The following NCAPG2 variants were observed in gnomAD, a reference collection of about 807,000 sequenced individuals.
NCAPG2 encodes condensin-2 complex subunit G2.
A neutral mutation model predicts 141.1 loss-of-function variants in NCAPG2; 53 were observed. The observed-to-expected ratio is 0.38, with a 90% CI of 0.30 to 0.47. The LOEUF (loss-of-function observed/expected upper bound fraction) is 0.47. NCAPG2 is among the 20% of genes least tolerant of loss of function. The probability of loss-of-function intolerance (pLI) is 0.99; values close to 1 mark genes in which losing one functional copy is unlikely to be tolerated. For missense variants in NCAPG2, 1,087 were observed against 1,389.0 expected (o/e 0.78, Z 3.46); for synonymous variants, 499 against 490.7 (o/e 1.02, Z -0.22).
At chr7:158,696,004 AG>A (rs1835420061) in intron 2 of NCAPG2, 1 of 152,260 alleles carries the variant, frequency 6.6e-6, no homozygotes, top group South Asian at 2.1e-4. Context: ...ATATGCCCAG[AG>A]GGAGGTATCC....
At chr7:158,638,105 C>T (rs1435239315) in intron 27 of NCAPG2, among the ~76,000 whole-genome samples, 2 of 152,160 alleles carry the variant, frequency 1.3e-5, no homozygotes, top group African/African-American at 2.4e-5. Context: ...GATCGCACCA[C>T]TGCACTACAG....
intron 2 of NCAPG2, among the ~76,000 whole-genome samples, chr7:158,701,103 G>A (rs369061806): frequency 3.3e-5 from 5 of 152,192 alleles, no homozygotes; most frequent in South Asian, 2.1e-4. Context: ...CTCTTCCCAC[G>A]TTCATGAGCT....
intron 16 of NCAPG2, among the ~76,000 whole-genome samples, chr7:158,659,432 G>C (rs909324699): frequency 6.6e-5 from 9 of 135,360 alleles, no homozygotes; most frequent in African/African-American, 2.2e-4. Context: ...ACATAGCACA[G>C]AGGAGAGGAG....
In NCAPG2 at chr7:158,656,368, T is replaced by C; in HGVS notation, c.2280A>G (p.Ala760=). The change falls in exon 19 of 28, where the codon GCA becomes GCG. Residue 760 remains alanine, a synonymous_variant. Transcript: ENST00000356309. The stretch of plus-strand genomic sequence containing the variant: ...TCAGCAGATACTCAATGTAGACCAA[T>C]GCCAATTCAGGTTTGACTGGGCGTG... ...HDTRPVKPEL[A]LVYIEYLLTH... 6.2e-7 allele frequency: 1 copy of C among 1,614,184 alleles called. No homozygotes were observed. Among genetic ancestry groups the C allele is most frequent in the Non-Finnish European group, 8.5e-7 (1 of 1,180,006 alleles).
chr7:158,637,562 C>A, intron 27 of NCAPG2, among the ~76,000 whole-genome samples: 1 of 152,302 alleles, frequency 6.6e-6, no homozygotes, highest in Admixed American at 6.5e-5. Context: ...AGAGAGTAGG[C>A]TTTCCAGCTC....
At chr7:158,687,097 AG>A (rs1389492972) in intron 7 of NCAPG2, among the ~76,000 whole-genome samples, 2 of 152,234 alleles carry the variant, frequency 1.3e-5, no homozygotes, top group Non-Finnish European at 2.9e-5. Flanking sequence ...AGCGAGGCTA[AG>A]GTTCAACTGG....
Position 158,654,621 on chromosome 7 carries a change from TG to T in NCAPG2, c.2719del (p.Gln907SerfsTer10). 1 of 1,614,106 alleles carries T rather than the reference TG, an allele frequency of 6.2e-7. No homozygotes were observed. The highest frequency in any genetic ancestry group is 2.2e-5 in the East Asian group (1 of 44,886). Reference protein sequence around the residue: ...GDHQFQMQLLQRSLGIMQTVK... With the variant: ...GDHQFQMQLLXRSLGIMQTVK... ...TGTTTGCATGATTCCAAGACTCCGC[TG>T]TAAGAGTTGCATCTGAAACTGATGG... On this transcript the variant is annotated frameshift_variant, in exon 22 of 28. Transcript: ENST00000356309. LOFTEE classifies it high-confidence loss of function.
chr7:158,662,453 G>A (rs1832588300), intron 15 of NCAPG2, 86 bp from the exon 16 acceptor site: 1 of 1,220,534 alleles, frequency 8.2e-7, no homozygotes, highest in Middle Eastern at 2.0e-4. Context: ...GAGCTCTAAA[G>A]CAAAAATGTA....
Position 158,683,334 on chromosome 7 carries a change from G to C in NCAPG2, c.890C>G (p.Pro297Arg), listed in dbSNP as rs1396826395. 30 of 1,605,858 alleles carry C rather than the reference G, an allele frequency of 1.9e-5. No homozygotes were observed. Among genetic ancestry groups the C allele is most frequent in the Non-Finnish European group, 2.5e-5 (29 of 1,176,782 alleles). ...TTTGGAATGCACTGGAGACCTCCTC[G>C]GAAGGTGTATCCCGTGGAACATGAA... ...QDFMFHGIHL[P>R]RRSPVHSKVR... The change falls in exon 9 of 28, where the codon CCG becomes CGG. Residue 297 changes from proline to arginine, a missense_variant. Coordinates refer to ENST00000356309, the MANE Select transcript of NCAPG2 (RefSeq NM_017760.7).
intron 2 of NCAPG2, among the ~76,000 whole-genome samples, chr7:158,700,101 T>C (rs987747596): frequency 2.6e-5 from 4 of 152,216 alleles, no homozygotes; most frequent in Non-Finnish European, 5.9e-5. Context: ...CCATCATTAT[T>C]ATATAAAATG....
chr7:158,672,282 GTGTGTGTGTGTATATA>G (rs1474274881), intron 12 of NCAPG2, among the ~76,000 whole-genome samples: 1 of 21,062 alleles, frequency 4.7e-5, no homozygotes, highest in African/African-American at 2.1e-4. Flanking sequence ...AAACACATGT[GTGTGTGTGTGTATATA>G]TATATATATA....
chr7:158,634,492 T>C (rs1404249022), intron 27 of NCAPG2, among the ~76,000 whole-genome samples: 4 of 152,204 alleles, frequency 2.6e-5, no homozygotes, highest in Non-Finnish European at 4.4e-5. Context: ...GTCCCAAATA[T>C]TGTCAAACTA....
intron 2 of NCAPG2, among the ~76,000 whole-genome samples, chr7:158,700,033 G>C (rs1054410254): frequency 6.6e-6 from 1 of 152,128 alleles, no homozygotes; most frequent in Non-Finnish European, 1.5e-5. Flanking sequence ...TACTTGGAAA[G>C]ATCTACCTGA....
chr7:158,655,175 T>G lies in NCAPG2; in HGVS notation c.2589A>C (p.Gln863His). 6.2e-7 allele frequency: 1 copy of G among 1,614,130 alleles called. No individual in the cohort carries two copies. The highest frequency in any genetic ancestry group is 8.5e-7 in the Non-Finnish European group (1 of 1,180,018). The change falls in exon 21 of 28, where the codon CAA becomes CAC. Residue 863 changes from glutamine (Q) to histidine (H), a missense_variant. By Grantham distance (24) the Gln-to-His change is conservative. Transcript: ENST00000356309. ...GCTTCAGGTAGTCTTCTTCTTGATC[T>G]TGAATAAAAGATAAAATTTTGCTTT... ...WLESKILSFI[Q>H]DQEEDYLKLH...
intron 27 of NCAPG2, among the ~76,000 whole-genome samples, chr7:158,635,019 A>G (rs1254188520): frequency 1.3e-5 from 2 of 152,222 alleles, no homozygotes; most frequent in African/African-American, 4.8e-5. Context: ...CGAGGACTCA[A>G]AACTTCGCCA....
In NCAPG2 at chr7:158,664,766, A is replaced by G. The variant is rs3816466; in HGVS notation, c.1480-16T>C. On this transcript the variant is annotated splice_polypyrimidine_tract_variant and intron_variant, in intron 13 of 27. Transcript: ENST00000356309. ...TTTTCCAAAACTGTGCAAAAAGCACATATGCAGAAGGAAATAATCAATTGT... is the reference window on the plus strand; with the variant it reads ...TTTTCCAAAACTGTGCAAAAAGCACGTATGCAGAAGGAAATAATCAATTGT... 463,585 of 1,601,526 alleles carry G rather than the reference A, an allele frequency of 0.29. 69,509 individuals are homozygous for G. Among genetic ancestry groups the G allele is most frequent in the Admixed American group, 0.44 (25,981 of 59,518 alleles).
intron 27 of NCAPG2, among the ~76,000 whole-genome samples, chr7:158,642,607 T>C (rs559659039): frequency 6.6e-6 from 1 of 151,880 alleles, no homozygotes; most frequent in African/African-American, 2.4e-5. Context: ...AGTTTTTTAA[T>C]GCGGAATAAA....
rs200937008 is a variant in NCAPG2 at position 158,701,937 on chromosome 7, C to A, written c.-38G>T. 6.5e-7 allele frequency: 1 copy of A among 1,530,210 alleles called. No homozygotes were observed. Among genetic ancestry groups the A allele is most frequent in the Non-Finnish European group, 8.9e-7 (1 of 1,121,818 alleles). 94.8% of individuals were successfully genotyped at this position (1,530,210 alleles called of 1,614,324 possible). The stretch of plus-strand genomic sequence containing the variant: ...TGTTCAAATGGCATTTATTTTGTAA[C>A]CCTAATGGAAAACACAATCATACTG... On this transcript the variant is annotated splice_region_variant and 5_prime_UTR_variant, in exon 2 of 28. Transcript: ENST00000356309.
intron 13 of NCAPG2, chr7:158,668,625 T>A: frequency 6.1e-6 from 1 of 162,638 alleles, no homozygotes. Context: ...TGGGTGTATC[T>A]AATTCACTAT....
Sources: allele counts gnomAD v4.1 joint callset (sites outside exome capture counted in the v4.1 genomes callset), GRCh38; gene constraint gnomAD v4.1.1; transcripts MANE v1.5; gene names NCBI Gene and HGNC (gene_info 2026-07-23, HGNC 2026-07-21).